YPEL3: variants seen among roughly 807,000 people sequenced by gnomAD.
YPEL3 encodes protein yippee-like 3.
In YPEL3, 5 loss-of-function variants were observed where a neutral mutation model predicts 17.5. The observed-to-expected ratio is 0.29, with a 90% CI of 0.15 to 0.60. YPEL3 has a LOEUF of 0.60. Ranked by LOEUF, YPEL3 falls within the 20% of genes least tolerant of loss-of-function variation. The pLI, the probability that YPEL3 is intolerant of heterozygous loss-of-function variation, is 0.87. For missense variants in YPEL3, 155 were observed against 211.4 expected (o/e 0.73, Z 1.65); for synonymous variants, 87 against 87.2 (o/e 1.00, Z 0.01).
At chr16:30,092,919 C>T (rs2072749687) in intron 3 of YPEL3, 120 bp from the exon 4 acceptor site, 2 of 793,744 alleles carry the variant, frequency 2.5e-6, no homozygotes, top group Non-Finnish European at 4.2e-6. Flanking sequence ...CCCAGAGGGG[C>T]AGGGCCGTAT....
chr16:30,092,782 G>A lies in YPEL3; in HGVS notation c.402C>T (p.Ser134=), dbSNP rs541341176. ...ACTTCCCCTCTTTGTACTTCTGGCT[G>A]CTCTCAAAGGCCTGTTCCTGAAAGG... ...LGWKYEQAFE[S]SQKYKEGKYI... The change falls in exon 4 of 4, where the codon AGC becomes AGT. Residue 134 remains serine (S), a synonymous_variant. Coordinates refer to ENST00000398841, the MANE Select transcript of YPEL3 (RefSeq NM_031477.5). The A allele has an allele frequency of 1.9e-6, 3 of 1,614,130 alleles. No homozygotes were observed. The highest frequency in any genetic ancestry group is 1.7e-5 in the Admixed American group (1 of 60,024).
In YPEL3 at chr16:30,092,353, G is replaced by C. The variant is rs1044634; in HGVS notation, c.*357C>G. 3.8e-6 allele frequency: 1 copy of C among 263,998 alleles called. No individual in the cohort carries two copies. The highest frequency in any genetic ancestry group is 7.4e-6 in the Non-Finnish European group (1 of 134,288). The allele number at this position is 263,998 out of a possible 1,614,324, so 16.4% of individuals were successfully genotyped here. A position where few individuals can be genotyped will look rare whatever the true frequency, so the allele number is the denominator to read the frequency against. On this transcript the variant is annotated 3_prime_UTR_variant, in exon 4 of 4. Coordinates refer to ENST00000398841, the MANE Select transcript of YPEL3 (RefSeq NM_031477.5). The stretch of plus-strand genomic sequence containing the variant: ...TGTTTTATTATGTACAAACGCTACA[G>C]AACGAGGGGGACAGACACGCGTGGG...
Position 30,095,030 on chromosome 16 carries a change from T to C in YPEL3, c.275+73A>G. The C allele has an allele frequency of 6.2e-7, 1 of 1,607,366 alleles. No individual in the cohort carries two copies. Among genetic ancestry groups the C allele is most frequent in the Non-Finnish European group, 8.5e-7 (1 of 1,175,070 alleles). On this transcript the variant is annotated intron_variant, in intron 2 of 3. Coordinates refer to ENST00000398841, the MANE Select transcript of YPEL3 (RefSeq NM_031477.5). This position sits in a 1 kb window ranked among gnomAD's most constrained non-coding sequence, Gnocchi z 5.4. The stretch of plus-strand genomic sequence containing the variant: ...TGCCTGCACCGGGGAACTCTGGGAG[T>C]CTCAGCAGGATGCCAGGGGTCACAG...
rs974470101 is a variant in YPEL3, at chr16:30,095,642, G to A, written c.-160C>T. 4 of 623,918 alleles carry A rather than the reference G, an allele frequency of 6.4e-6. No homozygotes were observed. The highest frequency in any genetic ancestry group is 6.4e-5 in the Admixed American group (2 of 31,208). 38.6% of individuals were successfully genotyped at this position (623,918 alleles called of 1,614,324 possible). ...CATGGGGAAACTGAGGCTCGGAGGT[G>A]CCCAGGGTGAGTCACCCGCCTGCTT... On this transcript the variant is annotated 5_prime_UTR_variant, in exon 1 of 4. Coordinates refer to ENST00000398841, the MANE Select transcript of YPEL3 (RefSeq NM_031477.5). The surrounding 1 kb of genome is among the most constrained non-coding windows in gnomAD (Gnocchi z 5.4).
At position 30,096,001 on chromosome 16, in the gene YPEL3, G is replaced by A. The variant is rs1272546777; in HGVS notation, c.-519C>T. The A allele has an allele frequency of 6.7e-6, 1 of 149,804 alleles. No homozygotes were observed. Among genetic ancestry groups the A allele is most frequent in the Non-Finnish European group, 1.5e-5 (1 of 67,002 alleles). 9.3% of individuals were successfully genotyped at this position (149,804 alleles called of 1,614,324 possible). On this transcript the variant is annotated 5_prime_UTR_variant, in exon 1 of 4. Coordinates refer to ENST00000398841, the MANE Select transcript of YPEL3 (RefSeq NM_031477.5). ...ACCTGGACTCCGGGGCTCACCTGGG[G>A]CGCGGGGGTGGGGGCGGGCGCCGGG...
Position 30,095,445 on chromosome 16 carries a change from G to C in YPEL3, c.38C>G (p.Pro13Arg), listed in dbSNP as rs1047040715. 3 of 1,580,520 alleles carry C rather than the reference G, an allele frequency of 1.9e-6. No homozygotes were observed. Among genetic ancestry groups the C allele is most frequent in the Non-Finnish European group, 2.6e-6 (3 of 1,163,874 alleles). ...VAQVLTAHLLPPRQALGSLCS... is the reference protein window; with the variant it reads ...VAQVLTAHLLRPRQALGSLCS... ...GAGGGAGCCCAGTGCCTGCCGGGGA[G>C]GGAGTAGGTGGGCTGTCAGGACCTG... Residue 13 changes from proline to arginine, a missense_variant, in exon 1 of 4, where the codon CCT becomes CGT. By Grantham distance (103) the Pro-to-Arg change is moderately radical (BLOSUM62 -2). This residue lies in a region of YPEL3 where 58 missense variants were observed against 60.0 expected (regional missense o/e 0.97). Transcript: ENST00000398841. This position sits in a 1 kb window ranked among gnomAD's most constrained non-coding sequence, Gnocchi z 5.4.
In YPEL3 at chr16:30,092,762, C is replaced by G; in HGVS notation, c.422G>C (p.Gly141Ala). 6.2e-7 allele frequency: 1 copy of G among 1,614,160 alleles called. No individual in the cohort carries two copies. The highest frequency in any genetic ancestry group is 1.1e-5 in the South Asian group (1 of 91,084). ...AFESSQKYKE[G>A]KYIIELNHMI... ...GTGGTTGAGTTCAATGATGTACTTC[C>G]CCTCTTTGTACTTCTGGCTGCTCTC... The change falls in exon 4 of 4, where the codon GGG (glycine) becomes GCG (alanine). Residue 141 changes from glycine to alanine, a missense_variant. Transcript: ENST00000398841.
chr16:30,093,427 A>G (rs2072759061), intron 3 of YPEL3, among the ~76,000 whole-genome samples: 1 of 151,868 alleles, frequency 6.6e-6, no homozygotes, highest in South Asian at 2.1e-4. Flanking sequence ...CGCCGAGCTA[A>G]TTTTTGTATT....
At chr16:30,094,443 T>C (rs2072771420) in intron 3 of YPEL3, 1 of 282,336 alleles carries the variant, frequency 3.5e-6, no homozygotes. Context: ...TCTTCTTCTG[T>C]AGAGATAATA....
At chr16:30,093,267 T>C (rs1365146221) in intron 3 of YPEL3, among the ~76,000 whole-genome samples, 1 of 152,108 alleles carries the variant, frequency 6.6e-6, no homozygotes, top group East Asian at 1.9e-4. Flanking sequence ...GGTTTTTTTG[T>C]TTGTTTGGTT....
At position 30,092,535 on chromosome 16, in the gene YPEL3, C is replaced by G; in HGVS notation, c.*175G>C. ...CGCAGGAGGTGCGGGGGCGTCGTCC[C>G]CCTTCTGTTCTCCCCCCAAGGTCAC... On this transcript the variant is annotated 3_prime_UTR_variant, in exon 4 of 4. Coordinates refer to ENST00000398841, the MANE Select transcript of YPEL3 (RefSeq NM_031477.5). The G allele has an allele frequency of 1.7e-6, 1 of 596,270 alleles. No individual in the cohort carries two copies. The highest frequency in any genetic ancestry group is 2.3e-5 in the South Asian group (1 of 43,610). 36.9% of individuals were successfully genotyped at this position (596,270 alleles called of 1,614,324 possible). A position where few individuals can be genotyped will look rare whatever the true frequency, so the allele number is the denominator to read the frequency against.
rs376724074 is a variant in YPEL3, at chr16:30,095,765, T to C, written c.-283A>G. 2.2e-6 allele frequency: 1 copy of C among 449,578 alleles called. No homozygotes were observed. The highest frequency in any genetic ancestry group is 4.0e-6 in the Non-Finnish European group (1 of 252,694). 27.8% of individuals were successfully genotyped at this position (449,578 alleles called of 1,614,324 possible). A position where few individuals can be genotyped will look rare whatever the true frequency, so the allele number is the denominator to read the frequency against. ...CCAGTTTCGGGGGAGCATGGGCGGG[T>C]AGGCACTGGTTGGTCCTTGCGACCT... On this transcript the variant is annotated 5_prime_UTR_variant, in exon 1 of 4. Coordinates refer to ENST00000398841, the MANE Select transcript of YPEL3 (RefSeq NM_031477.5). The surrounding 1 kb of genome is among the most constrained non-coding windows in gnomAD (Gnocchi z 5.4).
At chr16:30,094,201 A>G (rs1253166034) in intron 3 of YPEL3, 1 of 162,408 alleles carries the variant, frequency 6.2e-6, no homozygotes, top group Non-Finnish European at 1.4e-5. Context: ...GACCCTGGAC[A>G]GCAGCAGTGG....
chr16:30,094,485 TTGAA>T lies in YPEL3; in HGVS notation c.384+300_384+303del, dbSNP rs1172754990. On this transcript the variant is annotated intron_variant, in intron 3 of 3. Transcript: ENST00000398841. ...TCTACCTAGAGGATCACTGCAATGA[TTGAA>T]TGAGATAATAGACGCCAGGCACACA... is the stretch of plus-strand genomic sequence containing the variant. 5 of 395,282 alleles carry T rather than the reference TTGAA, an allele frequency of 1.3e-5. No homozygotes were observed. The East Asian group carries it at 1.7e-4, about 14-fold the overall frequency. 24.5% of individuals were successfully genotyped at this position (395,282 alleles called of 1,614,324 possible). A position where few individuals can be genotyped will look rare whatever the true frequency, so the allele number is the denominator to read the frequency against.
In YPEL3 at chr16:30,092,769, T is replaced by C; in HGVS notation, c.415A>G (p.Lys139Glu). The C allele has an allele frequency of 2.5e-6, 4 of 1,614,036 alleles. No homozygotes were observed. The highest frequency in any genetic ancestry group is 3.4e-6 in the Non-Finnish European group (4 of 1,180,008). Residue 139 changes from lysine to glutamate, a missense_variant, in exon 4 of 4, where the codon AAA (lysine) becomes GAA (glutamate). Coordinates refer to ENST00000398841, the MANE Select transcript of YPEL3 (RefSeq NM_031477.5). Reference protein sequence around the residue: ...EQAFESSQKYKEGKYIIELNH... With the variant: ...EQAFESSQKYEEGKYIIELNH... ...AGTTCAATGATGTACTTCCCCTCTT[T>C]GTACTTCTGGCTGCTCTCAAAGGCC... is the stretch of plus-strand genomic sequence containing the variant.
In YPEL3 at chr16:30,095,440, G is replaced by A. The variant is rs746153617; in HGVS notation, c.43C>T (p.Arg15Trp). ...GAGCAGAGGGAGCCCAGTGCCTGCC[G>A]GGGAGGGAGTAGGTGGGCTGTCAGG... Reference protein sequence around the residue: ...QVLTAHLLPPRQALGSLCSPW... With the variant: ...QVLTAHLLPPWQALGSLCSPW... Residue 15 changes from arginine to tryptophan, a missense_variant, in exon 1 of 4, where the codon CGG becomes TGG. This residue lies in a region of YPEL3 where 58 missense variants were observed against 60.0 expected (regional missense o/e 0.97). Coordinates refer to ENST00000398841, the MANE Select transcript of YPEL3 (RefSeq NM_031477.5). This position sits in a 1 kb window ranked among gnomAD's most constrained non-coding sequence, Gnocchi z 5.4. 3.8e-6 allele frequency: 6 copies of A among 1,591,764 alleles called. No homozygotes were observed. The South Asian group carries it at 4.5e-5, about 12-fold the overall frequency.
chr16:30,092,435 GAGC>G lies in YPEL3; in HGVS notation c.*272_*274del. 2.2e-6 allele frequency: 1 copy of G among 452,290 alleles called. No homozygotes were observed. Among genetic ancestry groups the G allele is most frequent in the Non-Finnish European group, 4.0e-6 (1 of 248,494 alleles). The allele number at this position is 452,290 out of a possible 1,614,324, so 28.0% of individuals were successfully genotyped here. ...AGCAGACGGTGCACTGGGACCAGGA[GAGC>G]AGAACACAGGCCATAACTATAGGGC... is the stretch of plus-strand genomic sequence containing the variant. On this transcript the variant is annotated 3_prime_UTR_variant, in exon 4 of 4. Coordinates refer to ENST00000398841, the MANE Select transcript of YPEL3 (RefSeq NM_031477.5).
chr16:30,095,484 C>G lies in YPEL3; in HGVS notation c.-2G>C. 1 of 1,507,532 alleles carries G rather than the reference C, an allele frequency of 6.6e-7. No homozygotes were observed. The highest frequency in any genetic ancestry group is 8.9e-7 in the Non-Finnish European group (1 of 1,128,238). The allele number at this position is 1,507,532 out of a possible 1,614,324, so 93.4% of individuals were successfully genotyped here. ...TGTCAGGACCTGGGCCACACACATGCGAGGCACTCCCAGAGCCGTGGGGAC... is the reference window on the plus strand; with the variant it reads ...TGTCAGGACCTGGGCCACACACATGGGAGGCACTCCCAGAGCCGTGGGGAC... On this transcript the variant is annotated 5_prime_UTR_variant, in exon 1 of 4. Transcript: ENST00000398841. The surrounding 1 kb of genome is among the most constrained non-coding windows in gnomAD (Gnocchi z 5.4).
At chr16:30,094,707 G>T (rs2072774231) in intron 3 of YPEL3, 82 bp downstream of exon 3, 2 of 1,288,108 alleles carry the variant, frequency 1.6e-6, no homozygotes, top group African/African-American at 1.5e-5. Context: ...AATCTGAAAG[G>T]CTATAGGGTG....
Sources: gnomAD v4.1 joint callset for allele counts (sites outside exome capture counted in the v4.1 genomes callset) on GRCh38, gnomAD v4.1.1 for gene constraint, gnomAD v4.1.1 regional missense constraint, Gnocchi (gnomAD v3.1) non-coding constraint, MANE v1.5 for transcripts, NCBI Gene and HGNC (gene_info 2026-07-23, HGNC 2026-07-21) for gene names.